RAP1GDS1: variants seen among roughly 807,000 people sequenced by gnomAD.
RAP1GDS1 encodes the protein Rap1 GTPase-GDP dissociation stimulator 1.
RAP1GDS1 carries 35 observed loss-of-function variants against 71.1 expected under a neutral mutation model. The observed-to-expected ratio is 0.49, with a 90% CI of 0.38 to 0.65. The LOEUF is 0.65. RAP1GDS1 is among the 30% of genes least tolerant of loss of function. The probability of loss-of-function intolerance (pLI) is 0.00; values close to 1 mark genes in which losing one functional copy is unlikely to be tolerated. For missense variants in RAP1GDS1, 663 were observed against 706.1 expected (o/e 0.94, Z 0.69); for synonymous variants, 229 against 243.1 (o/e 0.94, Z 0.54).
At chr4:98,418,591 T>A in intron 9 of RAP1GDS1, 66 bp from the exon 10 acceptor site, 1 of 1,357,764 alleles carries the variant, frequency 7.4e-7, no homozygotes, top group Non-Finnish European at 9.8e-7. Context: ...TAGCCAGACA[T>A]CAGTATTATA....
intron 4 of RAP1GDS1, among the ~76,000 whole-genome samples, chr4:98,378,397 AG>A (rs1235636728): frequency 6.6e-6 from 1 of 151,920 alleles, no homozygotes; most frequent in African/African-American, 2.4e-5. Flanking sequence ...TAAGGAAAAA[AG>A]AAACAAATCA....
At chr4:98,282,485 T>G (rs995449266) in intron 1 of RAP1GDS1, among the ~76,000 whole-genome samples, 8 of 152,172 alleles carry the variant, frequency 5.3e-5, no homozygotes, top group African/African-American at 1.9e-4. Context: ...ATGTGTCTAT[T>G]TGATTCTGCT....
chr4:98,296,900 A>AT (rs758583324), intron 2 of RAP1GDS1: 27 of 392,476 alleles, frequency 6.9e-5, no homozygotes, highest in Middle Eastern at 6.9e-4. Context: ...AATTCTATCC[A>AT]TTTTATTCCA....
At chr4:98,426,460 A>G (rs1267357316) in intron 12 of RAP1GDS1, among the ~76,000 whole-genome samples, 2 of 152,188 alleles carry the variant, frequency 1.3e-5, no homozygotes, top group African/African-American at 4.8e-5. Flanking sequence ...AAGATGAATA[A>G]GATTGATAGA....
chr4:98,424,173 A>G (rs1449640797), intron 12 of RAP1GDS1, among the ~76,000 whole-genome samples: 1 of 152,170 alleles, frequency 6.6e-6, no homozygotes, highest in African/African-American at 2.4e-5. Context: ...GCCATTCAAC[A>G]AAATAAAACA....
chr4:98,407,669 CAG>C (rs972075680), intron 7 of RAP1GDS1, among the ~76,000 whole-genome samples: 1 of 151,984 alleles, frequency 6.6e-6, no homozygotes, highest in African/African-American at 2.4e-5. Flanking sequence ...ACTTTGGAGA[CAG>C]AGGGAGGTAG....
At chr4:98,306,155 T>A (rs796228295) in intron 2 of RAP1GDS1, among the ~76,000 whole-genome samples, 2 of 152,332 alleles carry the variant, frequency 1.3e-5, no homozygotes, top group African/African-American at 4.8e-5. Flanking sequence ...TCTTCTCTAA[T>A]CGTATAAGCA....
intron 3 of RAP1GDS1, among the ~76,000 whole-genome samples, chr4:98,352,168 C>T (rs922992897): frequency 2.0e-5 from 3 of 151,884 alleles, no homozygotes; most frequent in South Asian, 2.1e-4. Context: ...CAAAGCATAT[C>T]GTTATTACGA....
intron 5 of RAP1GDS1, among the ~76,000 whole-genome samples, chr4:98,391,226 C>CAATT (rs946893258): frequency 6.6e-6 from 1 of 152,038 alleles, no homozygotes; most frequent in African/African-American, 2.4e-5. Flanking sequence ...ACTTCAAAAT[C>CAATT]AATTAGTTTC....
intron 2 of RAP1GDS1, among the ~76,000 whole-genome samples, chr4:98,297,535 A>T (rs1727957437): frequency 6.6e-6 from 1 of 152,082 alleles, no homozygotes; most frequent in African/African-American, 2.4e-5. Context: ...TACTTTGGTA[A>T]TCTGTGTCAA....
At chr4:98,283,437 A>G (rs1337170195) in intron 1 of RAP1GDS1, among the ~76,000 whole-genome samples, 11 of 152,202 alleles carry the variant, frequency 7.2e-5, no homozygotes, top group Admixed American at 3.3e-4. Flanking sequence ...TGAGCAACAC[A>G]AGACTACCAT....
intron 2 of RAP1GDS1, among the ~76,000 whole-genome samples, chr4:98,328,862 A>G (rs1000351983): frequency 6.6e-6 from 1 of 152,218 alleles, no homozygotes; most frequent in African/African-American, 2.4e-5. Context: ...AGTTTTATCA[A>G]TAATTGCCTG....
Position 98,380,082 on chromosome 4 carries a change from C to CAAAA in RAP1GDS1, c.508+931_508+934dup, listed in dbSNP as rs79487127. Among the ~76,000 whole-genome samples, 191 of 109,708 alleles carry CAAAA rather than the reference C, an allele frequency of 1.7e-3. No individual in the cohort carries two copies. The South Asian group carries it at 0.021, about 12-fold the overall frequency. 72.0% of individuals were successfully genotyped at this position (109,708 alleles called of 152,430 possible). A position where few individuals can be genotyped will look rare whatever the true frequency, so the allele number is the denominator to read the frequency against. ...GTCCAAAGAAATATTCTCAATAATT[C>CAAAA]AAAAAAAAAAAAAAAGATAAACCTT... is the stretch of plus-strand genomic sequence containing the variant. On this transcript the variant is annotated intron_variant, in intron 5 of 14. Transcript: ENST00000408927.
intron 2 of RAP1GDS1, among the ~76,000 whole-genome samples, chr4:98,298,413 ACT>A (rs1257050254): frequency 6.6e-6 from 1 of 152,062 alleles, no homozygotes; most frequent in Non-Finnish European, 1.5e-5. Context: ...GGACAGGCTG[ACT>A]CTCTTATTAG....
chr4:98,425,717 A>G (rs193231387), intron 12 of RAP1GDS1, among the ~76,000 whole-genome samples: 5 of 152,192 alleles, frequency 3.3e-5, no homozygotes, highest in Non-Finnish European at 5.9e-5. Context: ...GGAGCTTCCA[A>G]ATTTATAAAA....
At chr4:98,372,040 GC>G (rs1740462110) in intron 4 of RAP1GDS1, among the ~76,000 whole-genome samples, 1 of 152,008 alleles carries the variant, frequency 6.6e-6, no homozygotes. Context: ...TCCCACAAAG[GC>G]GGGTTTATTT....
At chr4:98,326,225 A>G (rs1733058194) in intron 2 of RAP1GDS1, among the ~76,000 whole-genome samples, 1 of 152,178 alleles carries the variant, frequency 6.6e-6, no homozygotes, top group Non-Finnish European at 1.5e-5. Context: ...AAAATATTTC[A>G]TAGTTAACGC....
intron 3 of RAP1GDS1, among the ~76,000 whole-genome samples, chr4:98,345,175 C>G (rs1736039264): frequency 6.6e-6 from 1 of 152,076 alleles, no homozygotes; most frequent in Non-Finnish European, 1.5e-5. Flanking sequence ...TTCAGAAATG[C>G]AACCTGACAC....
intron 1 of RAP1GDS1, among the ~76,000 whole-genome samples, chr4:98,270,016 G>A (rs1723233030): frequency 6.6e-6 from 1 of 152,120 alleles, no homozygotes; most frequent in African/African-American, 2.4e-5. Flanking sequence ...TCTGGAGTCT[G>A]GTAACTACAA....
Sources: gnomAD v4.1 joint callset for allele counts (sites outside exome capture counted in the v4.1 genomes callset) on GRCh38, gnomAD v4.1.1 for gene constraint, MANE v1.5 for transcripts, NCBI Gene and HGNC (gene_info 2026-07-23, HGNC 2026-07-21) for gene names.